The following CSMD1 variants were observed in gnomAD, a reference collection of about 807,000 sequenced individuals.
The protein encoded by CSMD1 is CUB and Sushi multiple domains 1, also known as CUB and sushi domain-containing protein 1.
A neutral mutation model predicts 417.5 loss-of-function variants in CSMD1; 213 were observed. The ratio of observed to expected loss-of-function variants is 0.51; its 90% CI spans 0.46 to 0.57. CSMD1 has a LOEUF of 0.57. Among genes scored for constraint, CSMD1 ranks in the 20% least tolerant of loss-of-function variants. CSMD1 has a pLI of 0.00. For synonymous variants in CSMD1, 2,862 were observed against 1,736.8 expected, an observed-to-expected ratio of 1.65 and a Z score of -16.11; for missense variants, 6,923 against 4,529.7, an observed-to-expected ratio of 1.53 and a Z score of -15.17.
intron 68 of CSMD1, among the ~76,000 whole-genome samples, chr8:2,947,677 C>T (rs540501268): frequency 5.3e-5 from 8 of 152,254 alleles, no homozygotes; most frequent in Admixed American, 3.9e-4. Context: ...GGGTGTCCTT[C>T]AACAAAATTA....
intron 40 of CSMD1, among the ~76,000 whole-genome samples, chr8:3,143,894 G>A (rs1282633117): frequency 2.0e-5 from 3 of 152,196 alleles, no homozygotes; most frequent in African/African-American, 7.2e-5. Flanking sequence ...AAACACAGTT[G>A]TCAGAGGGCA....
chr8:3,804,380 G>A (rs549258333), intron 5 of CSMD1, among the ~76,000 whole-genome samples: 19 of 151,926 alleles, frequency 1.3e-4, no homozygotes, highest in Non-Finnish European at 2.2e-4. Context: ...TGAATTAACC[G>A]GACACAAATA....
intron 3 of CSMD1, among the ~76,000 whole-genome samples, chr8:4,254,208 C>T (rs903101987): frequency 3.3e-5 from 5 of 152,096 alleles, no homozygotes; most frequent in African/African-American, 7.2e-5. Context: ...TGAGCCACCA[C>T]GCCAAGCCTT....
At chr8:3,998,836 T>C (rs975356474) in intron 4 of CSMD1, among the ~76,000 whole-genome samples, 1 of 150,874 alleles carries the variant, frequency 6.6e-6, no homozygotes, top group Admixed American at 6.6e-5. Flanking sequence ...TTTTATCTAT[T>C]ACAAAATATT....
chr8:3,635,285 C>G (rs927599363), intron 7 of CSMD1, among the ~76,000 whole-genome samples: 2 of 151,908 alleles, frequency 1.3e-5, no homozygotes, highest in Non-Finnish European at 2.9e-5. Context: ...ACCAGCCCGG[C>G]CAAGATGGCA....
chr8:3,914,838 T>C (rs951853251), intron 5 of CSMD1, among the ~76,000 whole-genome samples: 1 of 152,180 alleles, frequency 6.6e-6, no homozygotes, highest in East Asian at 1.9e-4. Context: ...TATGCTAGAA[T>C]GCAAATACTT....
rs377332641 is a variant in CSMD1 at position 2,942,497 on chromosome 8, A to G, written c.10510T>C (p.Phe3504Leu). 1 of 1,613,156 alleles carries G rather than the reference A, an allele frequency of 6.2e-7. No individual in the cohort carries two copies. The highest frequency in any genetic ancestry group is 8.5e-7 in the Non-Finnish European group (1 of 1,179,498). The stretch of plus-strand genomic sequence containing the variant: ...CTGTGTTTGTAGAGGTAAAATGCAA[A>G]CCCTGATAAAATTAGAGCAAAGAAA... ...VPFFALILSG[F>L]AFYLYKHRTR... Residue 3504 changes from phenylalanine to leucine, a missense_variant, in exon 69 of 70, where the codon TTT (phenylalanine) becomes CTT (leucine). Physicochemically the swap from Phe to Leu is conservative, Grantham distance 22. Transcript: ENST00000635120.
chr8:4,727,085 G>T (rs1465533898), intron 1 of CSMD1, among the ~76,000 whole-genome samples: 1 of 152,078 alleles, frequency 6.6e-6, no homozygotes, highest in African/African-American at 2.4e-5. Flanking sequence ...CTTTCTACCG[G>T]CTGAGTAGGG....
In CSMD1 at chr8:4,742,781, C is replaced by T. The variant is rs181621122; in HGVS notation, c.86-105223G>A. 1.4e-3 allele frequency among the ~76,000 whole-genome samples: 210 copies of T among 152,142 alleles called. 3 individuals carry two copies. The highest frequency in any genetic ancestry group is 5.0e-3 in the African/African-American group (206 of 41,524). ...TCTATTAAATGCCATGTCAGAAATG[C>T]TAAAAGCCCAATTATATAAATCGCA... On this transcript the variant is annotated intron_variant, in intron 1 of 69. Coordinates refer to ENST00000635120, the MANE Select transcript of CSMD1 (RefSeq NM_033225.6).
At chr8:4,140,631 G>A (rs1803729527) in intron 3 of CSMD1, among the ~76,000 whole-genome samples, 1 of 150,874 alleles carries the variant, frequency 6.6e-6, no homozygotes, top group Non-Finnish European at 1.5e-5. Flanking sequence ...TTGCGCCACT[G>A]CACTCCAGGC....
intron 10 of CSMD1, among the ~76,000 whole-genome samples, chr8:3,557,883 T>A (rs1355377860): frequency 6.6e-6 from 1 of 152,198 alleles, no homozygotes; most frequent in Admixed American, 6.5e-5. Flanking sequence ...GTTCAGCATT[T>A]GGATCAGATA....
At chr8:4,954,097 G>A (rs1336354804) in intron 1 of CSMD1, among the ~76,000 whole-genome samples, 4 of 152,008 alleles carry the variant, frequency 2.6e-5, no homozygotes, top group African/African-American at 7.2e-5. Context: ...TCCTACCTGT[G>A]CCAATTTAAA....
chr8:4,700,930 T>A (rs1471584594), intron 1 of CSMD1, among the ~76,000 whole-genome samples: 1 of 152,164 alleles, frequency 6.6e-6, no homozygotes, highest in Non-Finnish European at 1.5e-5. Flanking sequence ...CAGAGAACAC[T>A]GTGGAAGGTA....
chr8:3,083,634 A>ATATATAT (rs1554508009), intron 49 of CSMD1, among the ~76,000 whole-genome samples: 2 of 23,346 alleles, frequency 8.6e-5, no homozygotes, highest in African/African-American at 3.0e-4. Context: ...ATATATATAT[A>ATATATAT]TATATATATA....
At chr8:3,560,971 G>T (rs1284585002) in intron 10 of CSMD1, among the ~76,000 whole-genome samples, 1 of 152,120 alleles carries the variant, frequency 6.6e-6, no homozygotes, top group East Asian at 1.9e-4. Context: ...CCAATGGGCA[G>T]TGAAAATTAC....
intron 19 of CSMD1, among the ~76,000 whole-genome samples, chr8:3,368,754 T>C (rs1350697528): frequency 6.6e-6 from 1 of 152,244 alleles, no homozygotes; most frequent in Non-Finnish European, 1.5e-5. Context: ...TATCCTGATC[T>C]TCACTATGCT....
At chr8:4,006,637 G>C (rs1038855774) in intron 4 of CSMD1, among the ~76,000 whole-genome samples, 1 of 152,184 alleles carries the variant, frequency 6.6e-6, no homozygotes, top group African/African-American at 2.4e-5. Flanking sequence ...AGGTAAGCAA[G>C]AGAGGGAACA....
intron 5 of CSMD1, among the ~76,000 whole-genome samples, chr8:3,864,278 T>G (rs1199431811): frequency 6.6e-6 from 1 of 152,174 alleles, no homozygotes; most frequent in African/African-American, 2.4e-5. Flanking sequence ...CATAACTCAA[T>G]AATTTGGCCA....
At chr8:3,565,469 G>C (rs182370599) in intron 10 of CSMD1, among the ~76,000 whole-genome samples, 2 of 152,146 alleles carry the variant, frequency 1.3e-5, no homozygotes, top group South Asian at 4.1e-4. Context: ...CCTTAATAAA[G>C]TCTACTGAAC....
Sources: gnomAD v4.1 joint callset for allele counts (sites outside exome capture counted in the v4.1 genomes callset) on GRCh38, gnomAD v4.1.1 for gene constraint, MANE v1.5 for transcripts, NCBI Gene and HGNC (gene_info 2026-07-23, HGNC 2026-07-21) for gene names.